The following GBA2 variants were observed in gnomAD, a reference collection of about 807,000 sequenced individuals.
The protein encoded by GBA2 is non-lysosomal glucosylceramidase.
In GBA2, 79 loss-of-function variants were observed where a neutral mutation model predicts 112.9. The observed-to-expected ratio is 0.70, with a 90% CI of 0.58 to 0.84. GBA2 has a LOEUF of 0.84. Ranked by LOEUF, GBA2 falls within the 40% of genes least tolerant of loss-of-function variation. The pLI is 0.00. For synonymous variants in GBA2, 403 were observed against 434.3 expected, an observed-to-expected ratio of 0.93 and a Z score of 0.90; for missense variants, 1,043 against 1,190.0, an observed-to-expected ratio of 0.88 and a Z score of 1.82.
chr9:35,743,074 T>G (rs1250163790), intron 3 of GBA2, among the ~76,000 whole-genome samples: 3 of 152,264 alleles, frequency 2.0e-5, no homozygotes, highest in African/African-American at 7.2e-5. Context: ...CAATGGTTAT[T>G]TGCAAATACT....
In GBA2 at chr9:35,748,535, GTC is replaced by G; in HGVS notation, c.168_169del (p.Glu56AspfsTer17). On this transcript the variant is annotated frameshift_variant, in exon 1 of 17. Transcript: ENST00000378103. LOFTEE classifies it high-confidence loss of function. ...AGAGTCCTCCGGATTGCAGCAGTCC[GTC>G]TCTTTTGGGGGTCGGCTGTCTTCGG... 6.2e-7 allele frequency: 1 copy of G among 1,614,208 alleles called. No homozygotes were observed. The highest frequency in any genetic ancestry group is 8.5e-7 in the Non-Finnish European group (1 of 1,180,034).
chr9:35,748,222 G>A (rs765595995), intron 1 of GBA2, 124 bp downstream of exon 1: 34 of 655,746 alleles, frequency 5.2e-5, no homozygotes, highest in Non-Finnish European at 9.2e-5. Flanking sequence ...ATATGCCAGG[G>A]ATAGGGACCG....
At position 35,738,624 on chromosome 9, in the gene GBA2, C is replaced by T; in HGVS notation, c.1956G>A (p.Met652Ile). 6.2e-7 allele frequency: 1 copy of T among 1,613,056 alleles called. No individual in the cohort carries two copies. The highest frequency in any genetic ancestry group is 8.5e-7 in the Non-Finnish European group (1 of 1,179,048). ...CCTTGTCAAACTTCATTTCAGATTC[C>T]ATCACAGCCTAGAGAGGGACCAAGA... ...KDMWPVCLAV[M>I]ESEMKFDKDH... is the part of the protein sequence containing the mutation. Residue 652 changes from methionine (M) to isoleucine (I), a missense_variant, in exon 13 of 17, where the codon ATG (methionine) becomes ATA (isoleucine). By Grantham distance (10) the Met-to-Ile change is conservative (BLOSUM62 1). Transcript: ENST00000378103.
At position 35,738,225 on chromosome 9, in the gene GBA2, A is replaced by G. The variant is rs1826368614; in HGVS notation, c.2197+7T>C. 6.2e-7 allele frequency: 1 copy of G among 1,614,036 alleles called. No individual in the cohort carries two copies. Among genetic ancestry groups the G allele is most frequent in the African/African-American group, 1.3e-5 (1 of 74,898 alleles). Reference sequence around the variant, plus strand: ...GCCTTAAGACTACTTAGGCTCCCCGAACTCACCATTCCACAGCAGTCTCTC... The same window carrying G: ...GCCTTAAGACTACTTAGGCTCCCCGGACTCACCATTCCACAGCAGTCTCTC... On this transcript the variant is annotated splice_region_variant and intron_variant, in intron 14 of 16. Transcript: ENST00000378103.
chr9:35,739,838 G>T, intron 8 of GBA2, 38 bp from the exon 9 acceptor site: 1 of 1,595,914 alleles, frequency 6.3e-7, no homozygotes, highest in South Asian at 1.1e-5. Context: ...TAAGGAACAT[G>T]TACCTCCCAA....
chr9:35,748,577 G>T lies in GBA2; in HGVS notation c.128C>A (p.Thr43Lys), dbSNP rs1220523657. 6.2e-7 allele frequency: 1 copy of T among 1,614,056 alleles called. No homozygotes were observed. The highest frequency in any genetic ancestry group is 1.3e-5 in the African/African-American group (1 of 75,042). The change falls in exon 1 of 17, where the codon ACA (threonine) becomes AAA (lysine). Residue 43 changes from threonine to lysine, a missense_variant. By Grantham distance (78) the Thr-to-Lys change is moderately conservative. Transcript: ENST00000378103. Reference protein sequence around the residue: ...ETGGTKDVQVTDCKSPEDSRP... With the variant: ...ETGGTKDVQVKDCKSPEDSRP... ...GCTGTCTTCGGGACTCTTACAGTCT[G>T]TAACCTGCACATCCTTGGTGCCGCC... is the stretch of plus-strand genomic sequence containing the variant.
chr9:35,737,312 G>A lies in GBA2; in HGVS notation c.2641C>T (p.Leu881=), dbSNP rs755875971. 1 of 1,614,084 alleles carries A rather than the reference G, an allele frequency of 6.2e-7. No individual in the cohort carries two copies. Among genetic ancestry groups the A allele is most frequent in the Admixed American group, 1.7e-5 (1 of 60,032 alleles). The part of the protein sequence containing the change: ...VFRSLAYMRP[L]SIWAMQLALQ... Reference sequence around the variant, plus strand: ...GCTAGCTGCATGGCCCATATGCTCAGTGGCCGCATGTAGGCCAGTGAGCGG... The same window carrying A: ...GCTAGCTGCATGGCCCATATGCTCAATGGCCGCATGTAGGCCAGTGAGCGG... Residue 881 remains leucine (L), a synonymous_variant, in exon 17 of 17, where the codon CTG becomes TTG. Transcript: ENST00000378103. The surrounding 1 kb of genome is among the most constrained non-coding windows in gnomAD (Gnocchi z 4.1).
rs1179661053 is a variant in GBA2, at chr9:35,737,244, G to C, written c.2709C>G (p.Val903=). ...QQHKKASWPK[V]KQGTGLRTGP... is the part of the protein sequence containing the mutation. ...CTGTCCTTAGTCCTGTGCCCTGTTT[G>C]ACTTTTGGCCAGGAGGCCTTTTTGT... The change falls in exon 17 of 17, where the codon GTC becomes GTG. Residue 903 remains valine, a synonymous_variant. Transcript: ENST00000378103. This position sits in a 1 kb window ranked among gnomAD's most constrained non-coding sequence, Gnocchi z 4.1. 19 of 1,613,818 alleles carry C rather than the reference G, an allele frequency of 1.2e-5. No homozygotes were observed. Among genetic ancestry groups the C allele is most frequent in the Non-Finnish European group, 1.4e-5 (17 of 1,180,040 alleles).
In GBA2 at chr9:35,739,773, C is replaced by A; in HGVS notation, c.1437G>T (p.Ala479=). Residue 479 remains alanine, a synonymous_variant, in exon 9 of 17, where the codon GCG becomes GCT. Coordinates refer to ENST00000378103, the MANE Select transcript of GBA2 (RefSeq NM_020944.3). Reference sequence around the variant, plus strand: ...CCAGGAAGTATAGTTCATTGAACAGCGCAGATTTGTACCAGGCAGGCAGTG... The same window carrying A: ...CCAGGAAGTATAGTTCATTGAACAGAGCAGATTTGTACCAGGCAGGCAGTG... ...DRSLPAWYKS[A]LFNELYFLAD... is the part of the protein sequence containing the mutation. The A allele has an allele frequency of 6.2e-7, 1 of 1,614,006 alleles. No individual in the cohort carries two copies. Among genetic ancestry groups the A allele is most frequent in the Non-Finnish European group, 8.5e-7 (1 of 1,179,944 alleles).
intron 1 of GBA2, among the ~76,000 whole-genome samples, chr9:35,747,286 T>G (rs62543786): frequency 0.025 from 3,741 of 152,246 alleles, 78 homozygotes; most frequent in Non-Finnish European, 0.033. Context: ...CACATGCAAC[T>G]CAGTGTACTT....
Position 35,746,943 on chromosome 9 carries a change from G to GCTC in GBA2, c.359+1400_359+1402dup, listed in dbSNP as rs145921050. ...ACCCAGAGAATTCTGTCTTGCTAGA[G>GCTC]CTCCTGGTCAGAGTGCCCACAGTTC... On this transcript the variant is annotated intron_variant, in intron 1 of 16. Coordinates refer to ENST00000378103, the MANE Select transcript of GBA2 (RefSeq NM_020944.3). This position sits in a 1 kb window ranked among gnomAD's most constrained non-coding sequence, Gnocchi z 5.2. Among the ~76,000 whole-genome samples the GCTC allele has an allele frequency of 1.1e-4, 16 of 152,274 alleles. 1 individual carries two copies. The East Asian group carries it at 3.1e-3, about 29-fold the overall frequency.
In GBA2 at chr9:35,738,575, C is replaced by T. The variant is rs751157787; in HGVS notation, c.2005G>A (p.Gly669Arg). The change falls in exon 13 of 17, where the codon GGA (glycine) becomes AGA (arginine). Residue 669 changes from glycine (G) to arginine (R), a missense_variant. Gly to Arg is a moderately radical substitution (Grantham distance 125). Transcript: ENST00000378103. ...DKDHDGLIEN[G>R]GYADQTYDGW... ...TCATAGGTCTGGTCTGCATAGCCTC[C>T]ATTTTCAATGAGTCCATCATGGTCC... 6.2e-7 allele frequency: 1 copy of T among 1,614,054 alleles called. No homozygotes were observed. Among genetic ancestry groups the T allele is most frequent in the Non-Finnish European group, 8.5e-7 (1 of 1,179,886 alleles).
chr9:35,749,159 C>T lies in GBA2; in HGVS notation c.-455G>A. The T allele has an allele frequency of 3.5e-6, 1 of 287,400 alleles. No individual in the cohort carries two copies. Among genetic ancestry groups the T allele is most frequent in the South Asian group, 2.6e-5 (1 of 39,162 alleles). The allele number at this position is 287,400 out of a possible 1,614,324, so 17.8% of individuals were successfully genotyped here. A position where few individuals can be genotyped will look rare whatever the true frequency, so the allele number is the denominator to read the frequency against. ...CCCGCCGGCCGGCTCCGGGGCAGCG[C>T]CCGCGCCCAGGTGCCAGCCCGTGGG... On this transcript the variant is annotated 5_prime_UTR_variant, in exon 1 of 17. Coordinates refer to ENST00000378103, the MANE Select transcript of GBA2 (RefSeq NM_020944.3). The surrounding 1 kb of genome is among the most constrained non-coding windows in gnomAD (Gnocchi z 4.4).
chr9:35,737,373 G>T lies in GBA2; in HGVS notation c.2580C>A (p.Phe860Leu). The T allele has an allele frequency of 6.2e-7, 1 of 1,614,174 alleles. No homozygotes were observed. The highest frequency in any genetic ancestry group is 8.5e-7 in the Non-Finnish European group (1 of 1,180,036). ...GCTGGCAGTATGCCTCTGGGGTCTG[G>T]AAGGCCAGACCCAGGCGCTCCCACA... ...RTVWERLGLA[F>L]QTPEAYCQQR... The change falls in exon 17 of 17, where the codon TTC (phenylalanine) becomes TTA (leucine). Residue 860 changes from phenylalanine to leucine, a missense_variant. Transcript: ENST00000378103. This position sits in a 1 kb window ranked among gnomAD's most constrained non-coding sequence, Gnocchi z 4.1.
chr9:35,737,730 G>C lies in GBA2; in HGVS notation c.2505+18C>G. 6.2e-7 allele frequency: 1 copy of C among 1,613,000 alleles called. No homozygotes were observed. Among genetic ancestry groups the C allele is most frequent in the African/African-American group, 1.3e-5 (1 of 74,990 alleles). On this transcript the variant is annotated intron_variant, in intron 16 of 16. Transcript: ENST00000378103. The surrounding 1 kb of genome is among the most constrained non-coding windows in gnomAD (Gnocchi z 4.1). The stretch of plus-strand genomic sequence containing the variant: ...CCAGGATACAGATGGTGGAGAGATG[G>C]GAAAAGGAGTGCATTACCTCTTGGA...
chr9:35,745,186 G>A (rs557964932), intron 1 of GBA2, among the ~76,000 whole-genome samples: 38 of 151,834 alleles, frequency 2.5e-4, no homozygotes, highest in African/African-American at 8.9e-4. Context: ...GCAGTGGCTC[G>A]GTCTTGGCTC....
In GBA2 at chr9:35,737,795, CTTCATCAGACTGCACACTGGA is replaced by C; in HGVS notation, c.2437_2457del (p.Ser813_Glu819del). On this transcript the variant is annotated inframe_deletion, in exon 16 of 17. Coordinates refer to ENST00000378103, the MANE Select transcript of GBA2 (RefSeq NM_020944.3). The surrounding 1 kb of genome is among the most constrained non-coding windows in gnomAD (Gnocchi z 4.1). ...AGCCCGTAGACCACACCCACCCAGA[CTTCATCAGACTGCACACTGGA>C]TTTATCAGGGACACCATGGGGCTGC... 1.2e-6 allele frequency: 2 copies of C among 1,614,060 alleles called. No homozygotes were observed. Among genetic ancestry groups the C allele is most frequent in the Non-Finnish European group, 1.7e-6 (2 of 1,179,986 alleles).
In GBA2 at chr9:35,741,344, G is replaced by T; in HGVS notation, c.787-280C>A. The T allele has an allele frequency of 1.9e-6, 1 of 513,994 alleles. No homozygotes were observed. The highest frequency in any genetic ancestry group is 3.4e-6 in the Non-Finnish European group (1 of 290,960). The allele number at this position is 513,994 out of a possible 1,614,324, so 31.8% of individuals were successfully genotyped here. A position where few individuals can be genotyped will look rare whatever the true frequency, so the allele number is the denominator to read the frequency against. ...CAGTTTCTTTTTTTTTTTTTTTGGG[G>T]GGTGCGGTGGCGCAATCTCGGCTCA... On this transcript the variant is annotated intron_variant, in intron 4 of 16. Transcript: ENST00000378103. The surrounding 1 kb of genome is among the most constrained non-coding windows in gnomAD (Gnocchi z 4.6).
rs1360186202 is a variant in GBA2, at chr9:35,738,626, T to A, written c.1954A>T (p.Met652Leu). The part of the protein sequence containing the change: ...KDMWPVCLAV[M>L]ESEMKFDKDH... ...TTGTCAAACTTCATTTCAGATTCCA[T>A]CACAGCCTAGAGAGGGACCAAGATG... is the stretch of plus-strand genomic sequence containing the variant. Residue 652 changes from methionine to leucine, a missense_variant, in exon 13 of 17, where the codon ATG (methionine) becomes TTG (leucine). By Grantham distance (15) the Met-to-Leu change is conservative. Coordinates refer to ENST00000378103, the MANE Select transcript of GBA2 (RefSeq NM_020944.3). The A allele has an allele frequency of 3.1e-6, 5 of 1,612,910 alleles. No homozygotes were observed. In the African/African-American group the frequency reaches 6.7e-5, roughly 22 times the overall value.
Sources: gnomAD v4.1 joint callset for allele counts (sites outside exome capture counted in the v4.1 genomes callset) on GRCh38, gnomAD v4.1.1 for gene constraint, Gnocchi (gnomAD v3.1) non-coding constraint, MANE v1.5 for transcripts, NCBI Gene and HGNC (gene_info 2026-07-23, HGNC 2026-07-21) for gene names.